The following TSHZ3 variants were observed in gnomAD, a reference collection of about 807,000 sequenced individuals.
TSHZ3 encodes the protein teashirt homolog 3.
A neutral mutation model predicts 64.5 loss-of-function variants in TSHZ3; 10 were observed. The ratio of observed to expected loss-of-function variants is 0.16; its 90% CI spans 0.10 to 0.26. The LOEUF is 0.26. Among genes scored for constraint, TSHZ3 ranks in the 10% least tolerant of loss-of-function variants. The probability of loss-of-function intolerance (pLI) is 1.00; values close to 1 mark genes in which losing one functional copy is unlikely to be tolerated. For missense variants in TSHZ3, 1,242 were observed against 1,421.7 expected, an observed-to-expected ratio of 0.87 and a Z score of 2.03; for synonymous variants, 608 against 593.1, an observed-to-expected ratio of 1.03 and a Z score of -0.36.
At chr19:31,301,576 C>T (rs1050426054) in intron 1 of TSHZ3, among the ~76,000 whole-genome samples, 1 of 152,178 alleles carries the variant, frequency 6.6e-6, no homozygotes, top group South Asian at 2.1e-4. Flanking sequence ...AAGGCACTGG[C>T]CCTGTGCTGG....
At chr19:31,266,806 C>T (rs1260119599) in intron 1 of TSHZ3, among the ~76,000 whole-genome samples, 1 of 152,224 alleles carries the variant, frequency 6.6e-6, no homozygotes, top group African/African-American at 2.4e-5. Context: ...ACAAGTGACA[C>T]CATGAGCCTC....
chr19:31,285,339 GC>G (rs1331644873), intron 1 of TSHZ3, among the ~76,000 whole-genome samples: 1 of 152,024 alleles, frequency 6.6e-6, no homozygotes, highest in Non-Finnish European at 1.5e-5. Context: ...AATTAACCGG[GC>G]ATGGTGGCCT....
intron 4 of TSHZ3, among the ~76,000 whole-genome samples, chr19:31,222,847 A>T (rs1307440867): frequency 6.6e-6 from 1 of 152,220 alleles, no homozygotes; most frequent in Non-Finnish European, 1.5e-5. Flanking sequence ...GTGATTCAGT[A>T]GTCTTCCCTA....
intron 1 of TSHZ3, among the ~76,000 whole-genome samples, chr19:31,313,958 G>T (rs1051751873): frequency 2.0e-5 from 3 of 152,188 alleles, no homozygotes; most frequent in Non-Finnish European, 2.9e-5. Context: ...TGTAAATCAG[G>T]TAATACCTTC....
intron 5 of TSHZ3, among the ~76,000 whole-genome samples, chr19:31,176,206 T>C (rs575993833): frequency 6.6e-6 from 1 of 152,222 alleles, no homozygotes; most frequent in African/African-American, 2.4e-5. Flanking sequence ...GGAGAGAGGC[T>C]TGGCTGGACC....
intron 1 of TSHZ3, among the ~76,000 whole-genome samples, chr19:31,337,383 T>A (rs866451159): frequency 9.2e-5 from 14 of 152,174 alleles, no homozygotes; most frequent in African/African-American, 3.4e-4. Context: ...TTTGCACCTA[T>A]TAATAGCAAA....
intron 1 of TSHZ3, among the ~76,000 whole-genome samples, chr19:31,347,420 G>A (rs1342691952): frequency 6.6e-6 from 1 of 151,902 alleles, no homozygotes; most frequent in Non-Finnish European, 1.5e-5. Context: ...TTGGATGGAG[G>A]CACACACATA....
intron 6 of TSHZ3, among the ~76,000 whole-genome samples, chr19:31,156,016 T>C (rs1225687179): frequency 6.6e-6 from 1 of 152,244 alleles, no homozygotes; most frequent in African/African-American, 2.4e-5. Context: ...TTAACCAATC[T>C]GGCTCAACTA....
chr19:31,206,398 T>C (rs770171818), intron 4 of TSHZ3, among the ~76,000 whole-genome samples: 6 of 152,122 alleles, frequency 3.9e-5, no homozygotes, highest in Non-Finnish European at 7.4e-5. Context: ...GATGGACAGA[T>C]TGATTTCTCT....
chr19:31,222,220 G>A (rs973959760), intron 4 of TSHZ3, among the ~76,000 whole-genome samples: 2 of 152,164 alleles, frequency 1.3e-5, no homozygotes, highest in Non-Finnish European at 2.9e-5. Flanking sequence ...ACTAATGAAC[G>A]TCACAGAAGA....
intron 1 of TSHZ3, among the ~76,000 whole-genome samples, chr19:31,333,468 C>T (rs1190902293): frequency 2.0e-5 from 3 of 152,112 alleles, no homozygotes; most frequent in Admixed American, 6.6e-5. Context: ...CCCTTTTCAC[C>T]CGCATATCAT....
Position 31,278,696 on chromosome 19 carries a change from T to A in TSHZ3, c.1097A>T (p.Tyr366Phe). The change falls in exon 2 of 2, where the codon TAC becomes TTC. Residue 366 changes from tyrosine (Y) to phenylalanine (F), a missense_variant. Tyr to Phe is a conservative substitution (Grantham distance 22). Coordinates refer to ENST00000240587, the MANE Select transcript of TSHZ3 (RefSeq NM_020856.4). This position sits in a 1 kb window ranked among gnomAD's most constrained non-coding sequence, Gnocchi z 4.7. The stretch of plus-strand genomic sequence containing the variant: ...ATAGCTGGCCCCATTCTGGTGGCCG[T>A]ACCGATTATTTGGCGTGATGTAAGG... ...SNPYITPNNR[Y>F]GHQNGASYAW... 6.2e-7 allele frequency: 1 copy of A among 1,614,144 alleles called. No individual in the cohort carries two copies. The highest frequency in any genetic ancestry group is 8.5e-7 in the Non-Finnish European group (1 of 1,180,040).
intron 1 of TSHZ3, among the ~76,000 whole-genome samples, chr19:31,345,544 C>T (rs1917565075): frequency 6.6e-6 from 1 of 152,192 alleles, no homozygotes. Context: ...GGGTCCAAGT[C>T]ACTTTCACAA....
At chr19:31,292,288 C>T (rs1339887984) in intron 1 of TSHZ3, among the ~76,000 whole-genome samples, 1 of 152,140 alleles carries the variant, frequency 6.6e-6, no homozygotes, top group East Asian at 1.9e-4. Context: ...GAGGGATTCT[C>T]AGGGGGTAGC....
At chr19:31,339,181 CTTTTTCT>C (rs1440320974) in intron 1 of TSHZ3, among the ~76,000 whole-genome samples, 2 of 151,412 alleles carry the variant, frequency 1.3e-5, no homozygotes, top group Admixed American at 1.3e-4. Context: ...ACCTGTCAAC[CTTTTTCT>C]TTTTTCTTTT....
intron 5 of TSHZ3, among the ~76,000 whole-genome samples, chr19:31,159,347 A>C (rs1974343694): frequency 1.3e-5 from 2 of 152,136 alleles, no homozygotes; most frequent in African/African-American, 4.8e-5. Flanking sequence ...GATTATCTAG[A>C]TCACATCCCT....
At chr19:31,266,880 G>A (rs1324612133) in intron 1 of TSHZ3, among the ~76,000 whole-genome samples, 1 of 152,166 alleles carries the variant, frequency 6.6e-6, no homozygotes, top group East Asian at 1.9e-4. Context: ...CCGCCAAGGA[G>A]AGGGCCAGCC....
At chr19:31,231,804 A>C (rs866165440) in intron 3 of TSHZ3, among the ~76,000 whole-genome samples, 5 of 152,188 alleles carry the variant, frequency 3.3e-5, no homozygotes, top group Admixed American at 6.5e-5. Context: ...GGAATTCCTA[A>C]GGAAAATGTT....
intron 3 of TSHZ3, among the ~76,000 whole-genome samples, chr19:31,235,967 G>A (rs1210346326): frequency 6.6e-6 from 1 of 151,862 alleles, no homozygotes; most frequent in South Asian, 2.1e-4. Context: ...TTCCCAAAGG[G>A]CTGGAATTAC....
Sources: gnomAD v4.1 joint callset for allele counts (sites outside exome capture counted in the v4.1 genomes callset) on GRCh38, gnomAD v4.1.1 for gene constraint, Gnocchi (gnomAD v3.1) non-coding constraint, MANE v1.5 for transcripts, NCBI Gene and HGNC (gene_info 2026-07-23, HGNC 2026-07-21) for gene names.